The following HIC1 variants were observed in gnomAD, a reference collection of about 807,000 sequenced individuals.
HIC1 encodes the protein hypermethylated in cancer 1 protein.
Under a neutral mutation model 26.4 loss-of-function variants are expected in HIC1, and 9 were observed. The observed-to-expected ratio is 0.34, with a 90% confidence interval of 0.21 to 0.59. HIC1 has a LOEUF of 0.59. Among genes scored for constraint, HIC1 ranks in the 20% least tolerant of loss-of-function variants. The pLI, the probability that HIC1 is intolerant of heterozygous loss-of-function variation, is 0.82. For synonymous variants in HIC1, 631 were observed against 523.1 expected, an observed-to-expected ratio of 1.21 and a Z score of -2.81; for missense variants, 965 against 1,075.7, an observed-to-expected ratio of 0.90 and a Z score of 1.44.
Position 2,058,553 on chromosome 17 carries a change from G to A in HIC1, c.1863G>A (p.Lys621=), listed in dbSNP as rs1208773016. 9 of 1,541,066 alleles carry A rather than the reference G, an allele frequency of 5.8e-6. No individual in the cohort carries two copies. Among genetic ancestry groups the A allele is most frequent in the Non-Finnish European group, 7.8e-6 (9 of 1,151,128 alleles). The part of the protein sequence containing the change: ...GLPGVPGPDG[K]GKLDFPEGVF... ...CCGGCGTCCCCGGCCCCGACGGCAA[G>A]GGCAAGCTCGACTTCCCCGAGGGCG... The change falls in exon 2 of 2, where the codon AAG becomes AAA. Residue 621 remains lysine (K), a synonymous_variant. Coordinates refer to ENST00000619757, the MANE Select transcript of HIC1 (RefSeq NM_006497.4).
Position 2,058,916 on chromosome 17 carries a change from G to A in HIC1, c.*81G>A. Reference sequence around the variant, plus strand: ...GGGAGCGGCGGGGGCGGCGCGCAGGGCCCACTGTGCCCGGGACAACCGCAG... The same window carrying A: ...GGGAGCGGCGGGGGCGGCGCGCAGGACCCACTGTGCCCGGGACAACCGCAG... On this transcript the variant is annotated 3_prime_UTR_variant, in exon 2 of 2. Coordinates refer to ENST00000619757, the MANE Select transcript of HIC1 (RefSeq NM_006497.4). 8.2e-7 allele frequency: 1 copy of A among 1,220,312 alleles called. No individual in the cohort carries two copies. Among genetic ancestry groups the A allele is most frequent in the Non-Finnish European group, 1.1e-6 (1 of 930,820 alleles). 75.6% of individuals were successfully genotyped at this position (1,220,312 alleles called of 1,614,324 possible).
At chr17:2,056,494 C>T in intron 1 of HIC1, 177 bp from the exon 2 acceptor site, 2 of 1,332,792 alleles carry the variant, frequency 1.5e-6, no homozygotes, top group Non-Finnish European at 2.1e-6. Context: ...CTGGTCCGGG[C>T]GGGCCGGCCT....
intron 1 of HIC1, among the ~76,000 whole-genome samples, chr17:2,056,004 C>T (rs1200279521): frequency 8.0e-6 from 1 of 124,362 alleles, no homozygotes; most frequent in Non-Finnish European, 1.7e-5. Flanking sequence ...CTGGGAGCTG[C>T]GTGGCTCCCC....
intron 1 of HIC1, 173 bp from the exon 2 acceptor site, chr17:2,056,498 C>T (rs1225286478): frequency 2.3e-6 from 3 of 1,328,934 alleles, no homozygotes; most frequent in Non-Finnish European, 2.1e-6. Context: ...TCCGGGCGGG[C>T]CGGCCTGGGC....
At position 2,058,864 on chromosome 17, in the gene HIC1, T is replaced by G. The variant is rs771465315; in HGVS notation, c.*29T>G. On this transcript the variant is annotated 3_prime_UTR_variant, in exon 2 of 2. Coordinates refer to ENST00000619757, the MANE Select transcript of HIC1 (RefSeq NM_006497.4). Reference sequence around the variant, plus strand: ...GCCCCTCGCCAGCCCGCTCTGTCGCTGCTGCGCGGCCCTGGCCCGCACCCC... The same window carrying G: ...GCCCCTCGCCAGCCCGCTCTGTCGCGGCTGCGCGGCCCTGGCCCGCACCCC... The G allele has an allele frequency of 1.4e-6, 2 of 1,410,612 alleles. No homozygotes were observed. The highest frequency in any genetic ancestry group is 1.6e-5 in the South Asian group (1 of 64,092). The allele number at this position is 1,410,612 out of a possible 1,614,324, so 87.4% of individuals were successfully genotyped here.
rs1484019584 is a variant in HIC1 at position 2,057,838 on chromosome 17, A to G, written c.1148A>G (p.Glu383Gly). The change falls in exon 2 of 2, where the codon GAG becomes GGG. Residue 383 changes from glutamate (E) to glycine (G), a missense_variant. Glu to Gly is a moderately conservative substitution (Grantham distance 98, BLOSUM62 -2). This residue lies in a region of HIC1 where 526 missense variants were observed against 525.0 expected (regional missense o/e 1.00). Transcript: ENST00000619757. ...GACGACTACAAGAGCAGCAGCGAGG[A>G]GACCGGTAGCAGCGAGGACCCCAGC... ...DGDDYKSSSE[E>G]TGSSEDPSPP... 15 of 1,580,642 alleles carry G rather than the reference A, an allele frequency of 9.5e-6. No homozygotes were observed. Among genetic ancestry groups the G allele is most frequent in the Non-Finnish European group, 1.3e-5 (15 of 1,165,178 alleles).
rs1381107154 is a variant in HIC1 at position 2,060,349 on chromosome 17, T to C, written c.*1514T>C. 1 of 151,812 alleles carries C rather than the reference T, an allele frequency of 6.6e-6. No individual in the cohort carries two copies. Among genetic ancestry groups the C allele is most frequent in the Admixed American group, 6.6e-5 (1 of 15,236 alleles). The allele number at this position is 151,812 out of a possible 1,614,324, so 9.4% of individuals were successfully genotyped here. Reference sequence around the variant, plus strand: ...TGTCAGTGTCAGTTTTTCCGGGGAGTGAGGGCAAAGCTAGAAACCAGGTTA... The same window carrying C: ...TGTCAGTGTCAGTTTTTCCGGGGAGCGAGGGCAAAGCTAGAAACCAGGTTA... On this transcript the variant is annotated 3_prime_UTR_variant, in exon 2 of 2. Coordinates refer to ENST00000619757, the MANE Select transcript of HIC1 (RefSeq NM_006497.4).
chr17:2,061,483 G>C lies in HIC1; in HGVS notation c.*2648G>C. ...GGTTCCACGGGGGGGGGGCCCCAGT[G>C]TGGCTCCCTCAGCCCACCTGGGCCC... On this transcript the variant is annotated 3_prime_UTR_variant, in exon 2 of 2. Coordinates refer to ENST00000619757, the MANE Select transcript of HIC1 (RefSeq NM_006497.4). The C allele has an allele frequency of 6.4e-7, 1 of 1,564,354 alleles. No homozygotes were observed. Among genetic ancestry groups the C allele is most frequent in the East Asian group, 2.4e-5 (1 of 42,382 alleles).
In HIC1 at chr17:2,061,471, G is replaced by GGC; in HGVS notation, c.*2637_*2638insCG. 2 of 1,565,378 alleles carry GGC rather than the reference G, an allele frequency of 1.3e-6. No homozygotes were observed. The highest frequency in any genetic ancestry group is 1.7e-6 in the Non-Finnish European group (2 of 1,157,158). ...CCTTTCAGGAACGGTTCCACGGGGG[G>GGC]GGGGCCCCAGTGTGGCTCCCTCAGC... On this transcript the variant is annotated 3_prime_UTR_variant, in exon 2 of 2. Coordinates refer to ENST00000619757, the MANE Select transcript of HIC1 (RefSeq NM_006497.4).
rs960511203 is a variant in HIC1, at chr17:2,057,430, C to G, written c.740C>G (p.Pro247Arg). The G allele has an allele frequency of 2.8e-6, 4 of 1,441,928 alleles. No homozygotes were observed. The highest frequency in any genetic ancestry group is 3.6e-6 in the Non-Finnish European group (4 of 1,105,352). The allele number at this position is 1,441,928 out of a possible 1,614,324, so 89.3% of individuals were successfully genotyped here. ...CCGCTGGCTGAGCGCGAGCTGCCCCCGCGCCCGGACAGCCCTCCCAGCGCC... is the reference window on the plus strand; with the variant it reads ...CCGCTGGCTGAGCGCGAGCTGCCCCGGCGCCCGGACAGCCCTCCCAGCGCC... ...ERPLAERELP[P>R]RPDSPPSAGP... Residue 247 changes from proline (P) to arginine (R), a missense_variant, in exon 2 of 2, where the codon CCG becomes CGG. Pro to Arg is a moderately radical substitution (Grantham distance 103). This residue lies in a region of HIC1 where 526 missense variants were observed against 525.0 expected (regional missense o/e 1.00). Coordinates refer to ENST00000619757, the MANE Select transcript of HIC1 (RefSeq NM_006497.4).
In HIC1 at chr17:2,057,062, G is replaced by C. The variant is rs935669727; in HGVS notation, c.372G>C (p.Ala124=). The C allele has an allele frequency of 2.0e-6, 3 of 1,463,760 alleles. No homozygotes were observed. The highest frequency in any genetic ancestry group is 2.7e-6 in the Non-Finnish European group (3 of 1,114,870). 90.7% of individuals were successfully genotyped at this position (1,463,760 alleles called of 1,614,324 possible). ...ACCTGCAGATCCCCGACCTCGTGGC[G>C]CTGTGCAAGAAACGCCTCAAGCGCC... ...ASYLQIPDLV[A]LCKKRLKRHG... is the part of the protein sequence containing the mutation. The change falls in exon 2 of 2, where the codon GCG becomes GCC. Residue 124 remains alanine, a synonymous_variant. Transcript: ENST00000619757.
chr17:2,061,393 A>G lies in HIC1; in HGVS notation c.*2558A>G. 2.5e-6 allele frequency: 3 copies of G among 1,204,656 alleles called. No individual in the cohort carries two copies. The highest frequency in any genetic ancestry group is 3.5e-6 in the Non-Finnish European group (3 of 867,052). 74.6% of individuals were successfully genotyped at this position (1,204,656 alleles called of 1,614,324 possible). On this transcript the variant is annotated 3_prime_UTR_variant, in exon 2 of 2. Coordinates refer to ENST00000619757, the MANE Select transcript of HIC1 (RefSeq NM_006497.4). ...AGAGGATGGTTTATTGTCTGGGTGG[A>G]TTGGTGGCTCAGGCACGTGGGCATC...
rs1176719727 is a variant in HIC1, at chr17:2,055,773, G to A, written c.-21+535G>A. 6.6e-6 allele frequency among the ~76,000 whole-genome samples: 1 copy of A among 151,762 alleles called. No individual in the cohort carries two copies. ...AGCTGCGAGCCGAGGGCCTGGGGCC[G>A]GCGCACTCCTCCCGCCCTGTCTGCA... On this transcript the variant is annotated intron_variant, in intron 1 of 1. Transcript: ENST00000619757. The surrounding 1 kb of genome is among the most constrained non-coding windows in gnomAD (Gnocchi z 6.4).
At position 2,057,263 on chromosome 17, in the gene HIC1, G is replaced by T; in HGVS notation, c.573G>T (p.Ala191=). Residue 191 remains alanine (A), a synonymous_variant, in exon 2 of 2, where the codon GCG becomes GCT. Coordinates refer to ENST00000619757, the MANE Select transcript of HIC1 (RefSeq NM_006497.4). ...AGCCGCCCTCGGGCCCAGAGGCCGC[G>T]GTCAACACGCACTGCGCCGAGCTGT... ...AAEPPSGPEA[A]VNTHCAELYA... is the part of the protein sequence containing the mutation. 1 of 1,457,868 alleles carries T rather than the reference G, an allele frequency of 6.9e-7. No individual in the cohort carries two copies. Among genetic ancestry groups the T allele is most frequent in the Non-Finnish European group, 9.0e-7 (1 of 1,110,046 alleles). 90.3% of individuals were successfully genotyped at this position (1,457,868 alleles called of 1,614,324 possible).
Position 2,057,707 on chromosome 17 carries a change from G to C in HIC1, c.1017G>C (p.Glu339Asp). Residue 339 changes from glutamate to aspartate, a missense_variant, in exon 2 of 2, where the codon GAG (glutamate) becomes GAC (aspartate). This residue lies in a region of HIC1 where 526 missense variants were observed against 525.0 expected (regional missense o/e 1.00). Coordinates refer to ENST00000619757, the MANE Select transcript of HIC1 (RefSeq NM_006497.4). Reference sequence around the variant, plus strand: ...GCTCCCCCAGCGAGCGCTGCGAAGAGCGTGGTGGGGACGCGGCCGTCTCGC... The same window carrying C: ...GCTCCCCCAGCGAGCGCTGCGAAGACCGTGGTGGGGACGCGGCCGTCTCGC... ...ERGSPSERCE[E>D]RGGDAAVSPG... is the part of the protein sequence containing the mutation. 1 of 1,467,888 alleles carries C rather than the reference G, an allele frequency of 6.8e-7. No homozygotes were observed. The highest frequency in any genetic ancestry group is 9.0e-7 in the Non-Finnish European group (1 of 1,115,186). 90.9% of individuals were successfully genotyped at this position (1,467,888 alleles called of 1,614,324 possible). A position where few individuals can be genotyped will look rare whatever the true frequency, so the allele number is the denominator to read the frequency against.
In HIC1 at chr17:2,057,540, C is replaced by T. The variant is rs1388326633; in HGVS notation, c.850C>T (p.Pro284Ser). 6.7e-7 allele frequency: 1 copy of T among 1,499,028 alleles called. No homozygotes were observed. Among genetic ancestry groups the T allele is most frequent in the Middle Eastern group, 1.9e-4 (1 of 5,360 alleles). The allele number at this position is 1,499,028 out of a possible 1,614,324, so 92.9% of individuals were successfully genotyped here. A position where few individuals can be genotyped will look rare whatever the true frequency, so the allele number is the denominator to read the frequency against. The change falls in exon 2 of 2, where the codon CCT becomes TCT. Residue 284 changes from proline (P) to serine (S), a missense_variant. Pro to Ser is a moderately conservative substitution (Grantham distance 74). Transcript: ENST00000619757. ...PFQKLEEAAP[P>S]SDPFRGGSGS... Reference sequence around the variant, plus strand: ...CCAGAAGCTGGAGGAGGCCGCACCGCCTTCCGACCCATTTCGCGGCGGCAG... The same window carrying T: ...CCAGAAGCTGGAGGAGGCCGCACCGTCTTCCGACCCATTTCGCGGCGGCAG...
Position 2,058,409 on chromosome 17 carries a change from G to A in HIC1, c.1719G>A (p.Glu573=), listed in dbSNP as rs2151370068. Residue 573 remains glutamate (E), a synonymous_variant, in exon 2 of 2, where the codon GAG becomes GAA. Transcript: ENST00000619757. ...MRIHSGEKPY[E]CQVCGGKFAQ... is the part of the protein sequence containing the mutation. ...TCCACTCGGGCGAGAAGCCCTACGA[G>A]TGCCAGGTGTGCGGCGGCAAGTTCG... 6.2e-7 allele frequency: 1 copy of A among 1,609,074 alleles called. No homozygotes were observed. Among genetic ancestry groups the A allele is most frequent in the Non-Finnish European group, 8.5e-7 (1 of 1,177,968 alleles).
Position 2,061,407 on chromosome 17 carries a change from C to A in HIC1, c.*2572C>A, listed in dbSNP as rs1398181587. 3.0e-6 allele frequency: 4 copies of A among 1,345,034 alleles called. No homozygotes were observed. In the African/African-American group the frequency reaches 5.8e-5, roughly 20 times the overall value. 83.3% of individuals were successfully genotyped at this position (1,345,034 alleles called of 1,614,324 possible). On this transcript the variant is annotated 3_prime_UTR_variant, in exon 2 of 2. Transcript: ENST00000619757. ...TGTCTGGGTGGATTGGTGGCTCAGG[C>A]ACGTGGGCATCTTCCGTGCTACACT... is the stretch of plus-strand genomic sequence containing the variant.
In HIC1 at chr17:2,058,605, G is replaced by A; in HGVS notation, c.1915G>A (p.Glu639Lys). 1 of 1,553,834 alleles carries A rather than the reference G, an allele frequency of 6.4e-7. No individual in the cohort carries two copies. The highest frequency in any genetic ancestry group is 8.6e-7 in the Non-Finnish European group (1 of 1,158,132). Residue 639 changes from glutamate (E) to lysine (K), a missense_variant, in exon 2 of 2, where the codon GAG (glutamate) becomes AAG (lysine). By Grantham distance (56) the Glu-to-Lys change is moderately conservative (BLOSUM62 1). This residue lies in a region of HIC1 where 210 missense variants were observed against 179.2 expected (regional missense o/e 1.17). Transcript: ENST00000619757. ...CTTTGCTGTGGCTCGCCTCACGGCCGAGCAGCTGAGCCTGAAGCAGCAGGA... is the reference window on the plus strand; with the variant it reads ...CTTTGCTGTGGCTCGCCTCACGGCCAAGCAGCTGAGCCTGAAGCAGCAGGA... ...GVFAVARLTA[E>K]QLSLKQQDKA...
Sources: allele counts gnomAD v4.1 joint callset (sites outside exome capture counted in the v4.1 genomes callset), GRCh38; gene constraint gnomAD v4.1.1; regional missense constraint gnomAD v4.1.1; non-coding constraint Gnocchi (gnomAD v3.1); transcripts MANE v1.5; gene names NCBI Gene and HGNC (gene_info 2026-07-23, HGNC 2026-07-21).